The following NXPE2 variants were observed in gnomAD, a reference collection of about 807,000 sequenced individuals.
NXPE2 encodes the protein NXPE family member 2.
A neutral mutation model predicts 34.4 loss-of-function variants in NXPE2; 34 were observed. The observed-to-expected ratio is 0.99, with a 90% CI of 0.75 to 1.31. The LOEUF is 1.31. Among genes scored for constraint, NXPE2 ranks in the 40% most tolerant of loss-of-function variants. NXPE2 has a pLI of 0.00. For missense variants in NXPE2, 649 were observed against 672.5 expected (o/e 0.97, Z 0.39); for synonymous variants, 235 against 231.3 (o/e 1.02, Z -0.15).
At chr11:114,614,443 G>A in the NXPE2 span, among the ~76,000 whole-genome samples, 4 of 151,956 alleles carry the variant, frequency 2.6e-5, no homozygotes, top group South Asian at 2.1e-4. Flanking sequence ...TGCCTCGTGG[G>A]TAACCACTGT....
At chr11:114,608,962 A>T in the NXPE2 span, among the ~76,000 whole-genome samples, 1 of 151,868 alleles carries the variant, frequency 6.6e-6, no homozygotes, top group African/African-American at 2.4e-5. Context: ...CCTGTGGAAA[A>T]TAAGTGTTGC....
downstream of NXPE2, among the ~76,000 whole-genome samples, chr11:114,707,171 A>C (rs1369443419): frequency 1.3e-5 from 2 of 152,192 alleles, no homozygotes; most frequent in African/African-American, 4.8e-5. Context: ...GGGTTACTGC[A>C]ACCTCCACCT....
At chr11:114,736,281 G>A in the NXPE2 span, among the ~76,000 whole-genome samples, 161 of 152,256 alleles carry the variant, frequency 1.1e-3, no homozygotes, top group African/African-American at 3.7e-3. Flanking sequence ...ACAAGCCTGG[G>A]AGCACTATGG....
At chr11:114,604,192 GATA>G in the NXPE2 span, among the ~76,000 whole-genome samples, 1 of 152,074 alleles carries the variant, frequency 6.6e-6, no homozygotes, top group African/African-American at 2.4e-5. Context: ...TTACCTGGTG[GATA>G]ATAAGTATTG....
chr11:114,576,904 AC>A, the NXPE2 span, among the ~76,000 whole-genome samples: 1,218 of 150,578 alleles, frequency 8.1e-3, 12 homozygotes, highest in Non-Finnish European at 0.013. Context: ...TTCTAGCAGC[AC>A]AATTTGCAAT....
At chr11:114,794,765 GTTCTA>G in the NXPE2 span, among the ~76,000 whole-genome samples, 2 of 152,072 alleles carry the variant, frequency 1.3e-5, no homozygotes, top group East Asian at 3.9e-4. Context: ...GGATCTTTGT[GTTCTA>G]TTCTTCCCAA....
At chr11:114,547,875 T>C in the NXPE2 span, among the ~76,000 whole-genome samples, 20 of 152,204 alleles carry the variant, frequency 1.3e-4, no homozygotes, top group Non-Finnish European at 2.8e-4. Context: ...TTGGTTATGC[T>C]ACAATAATGT....
chr11:114,607,878 G>A, the NXPE2 span, among the ~76,000 whole-genome samples: 6 of 143,594 alleles, frequency 4.2e-5, no homozygotes, highest in African/African-American at 7.7e-5. Context: ...CTGGTGGATA[G>A]TAAGTACTGC....
chr11:114,483,805 C>A, the NXPE2 span, among the ~76,000 whole-genome samples: 3 of 152,138 alleles, frequency 2.0e-5, no homozygotes, highest in Admixed American at 6.5e-5. Context: ...TCCCTTCCTT[C>A]TTCTCTTTCC....
the NXPE2 span, chr11:114,582,915 G>C: frequency 3.7e-6 from 6 of 1,614,060 alleles, no homozygotes; most frequent in African/African-American, 5.3e-5. Context: ...TCTGAGTTCA[G>C]TCTCTGTTAG....
chr11:114,658,142 C>T, the NXPE2 span, among the ~76,000 whole-genome samples: 1 of 152,184 alleles, frequency 6.6e-6, no homozygotes, highest in East Asian at 1.9e-4. Flanking sequence ...TGCAAAATAA[C>T]TTTCATTTAA....
At chr11:114,651,184 C>T in the NXPE2 span, among the ~76,000 whole-genome samples, 190 of 152,096 alleles carry the variant, frequency 1.2e-3, no homozygotes, top group African/African-American at 4.3e-3. Context: ...AGCCGTGGAC[C>T]CTCGCGGTTG....
At chr11:114,749,983 A>T in the NXPE2 span, among the ~76,000 whole-genome samples, 1 of 152,002 alleles carries the variant, frequency 6.6e-6, no homozygotes, top group African/African-American at 2.4e-5. Context: ...GGCTTTGAAC[A>T]TTCGCCAAGA....
At chr11:114,806,544 C>G in the NXPE2 span, among the ~76,000 whole-genome samples, 37 of 152,188 alleles carry the variant, frequency 2.4e-4, no homozygotes, top group South Asian at 1.5e-3. Flanking sequence ...AGCTACATGA[C>G]GAATGCAGAA....
At chr11:114,636,295 A>G in the NXPE2 span, among the ~76,000 whole-genome samples, 29 of 151,536 alleles carry the variant, frequency 1.9e-4, no homozygotes, top group African/African-American at 4.4e-4. Flanking sequence ...TATTTCTGTG[A>G]GATCGGTGGT....
chr11:114,698,884 C>T (rs1288451284), intron 3 of NXPE2, 106 bp downstream of exon 3: 11 of 1,119,282 alleles, frequency 9.8e-6, no homozygotes, highest in Non-Finnish European at 1.2e-5. Flanking sequence ...ATTATGTTGA[C>T]TAAATTATAA....
At chr11:114,491,993 GC>G in the NXPE2 span, among the ~76,000 whole-genome samples, 3 of 152,066 alleles carry the variant, frequency 2.0e-5, no homozygotes, top group African/African-American at 7.2e-5. Context: ...GGAACATCAC[GC>G]TCTGGGGACT....
the NXPE2 span, among the ~76,000 whole-genome samples, chr11:114,772,703 A>G: frequency 3.6e-4 from 55 of 152,230 alleles, 1 homozygote; most frequent in Middle Eastern, 3.4e-3. Flanking sequence ...GTCCTTTGGA[A>G]GAAGTACCCC....
chr11:114,672,773 AT>A, the NXPE2 span, among the ~76,000 whole-genome samples: 1 of 152,064 alleles, frequency 6.6e-6, no homozygotes, highest in East Asian at 1.9e-4. Context: ...ACTGAGAAAA[AT>A]ATAAGCATTT....
Sources: gnomAD v4.1 joint callset for allele counts (sites outside exome capture counted in the v4.1 genomes callset) on GRCh38, gnomAD v4.1.1 for gene constraint, MANE v1.5 for transcripts, NCBI Gene and HGNC (gene_info 2026-07-23, HGNC 2026-07-21) for gene names.